ADD2: variants seen among roughly 807,000 people sequenced by gnomAD.
ADD2 encodes adducin 2.
In ADD2, 23 loss-of-function variants were observed where a neutral mutation model predicts 83.0. The ratio of observed to expected loss-of-function variants is 0.28; its 90% CI spans 0.20 to 0.39. The LOEUF (loss-of-function observed/expected upper bound fraction) is 0.39. Among genes scored for constraint, ADD2 ranks in the 10% least tolerant of loss-of-function variants. The pLI is 1.00. For missense variants in ADD2, 758 were observed against 944.9 expected, an observed-to-expected ratio of 0.80 and a Z score of 2.59; for synonymous variants, 375 against 375.4, an observed-to-expected ratio of 1.00 and a Z score of 0.01.
chr2:70,716,094 G>A (rs1396115166), intron 1 of ADD2, among the ~76,000 whole-genome samples: 4 of 152,080 alleles, frequency 2.6e-5, no homozygotes, highest in African/African-American at 9.7e-5. Flanking sequence ...TTACCAAAAT[G>A]GCAGGTATAC....
At chr2:70,749,855 T>A (rs1674418556) in intron 1 of ADD2, among the ~76,000 whole-genome samples, 1 of 151,962 alleles carries the variant, frequency 6.6e-6, no homozygotes. Context: ...CAGCCCCGGG[T>A]TGCCAACCTC....
chr2:70,731,602 G>A (rs563327823), intron 1 of ADD2, among the ~76,000 whole-genome samples: 1 of 152,314 alleles, frequency 6.6e-6, no homozygotes, highest in Non-Finnish European at 1.5e-5. Context: ...TTGGTTCGGT[G>A]CATGTACACA....
In ADD2 at chr2:70,706,374, G is replaced by A; in HGVS notation, c.35C>T (p.Pro12Leu). 1 of 1,611,356 alleles carries A rather than the reference G, an allele frequency of 6.2e-7. No individual in the cohort carries two copies. The highest frequency in any genetic ancestry group is 1.1e-5 in the South Asian group (1 of 90,928). ...GTAAGGCTGCCCCTGCGGGGGCGGC[G>A]GCGAGGCAGCCTCGGGGACCGTCTC... ...SEETVPEAASPPPPQGQPYFD... is the reference protein window; with the variant it reads ...SEETVPEAASLPPPQGQPYFD... Residue 12 changes from proline to leucine, a missense_variant, in exon 3 of 16, where the codon CCG becomes CTG. Coordinates refer to ENST00000264436, the MANE Select transcript of ADD2 (RefSeq NM_001617.4). This position sits in a 1 kb window ranked among gnomAD's most constrained non-coding sequence, Gnocchi z 5.0.
chr2:70,694,763 C>A (rs568290409), intron 6 of ADD2, among the ~76,000 whole-genome samples: 1 of 152,128 alleles, frequency 6.6e-6, no homozygotes, highest in South Asian at 2.1e-4. Context: ...CAGCTCCTGG[C>A]GGGGTAGGGT....
chr2:70,767,756 G>A, intron 1 of ADD2, 130 bp downstream of exon 1: 1 of 1,452,956 alleles, frequency 6.9e-7, no homozygotes, highest in South Asian at 1.4e-5. Context: ...CTGCAGCACC[G>A]ACGCGCTCGG....
At chr2:70,669,748 A>G (rs919732373) in intron 15 of ADD2, among the ~76,000 whole-genome samples, 10 of 152,236 alleles carry the variant, frequency 6.6e-5, no homozygotes, top group African/African-American at 2.2e-4. Context: ...AGCAACTTCT[A>G]TTTTCACAGT....
At chr2:70,683,466 T>G in intron 10 of ADD2, 125 bp downstream of exon 10, 14 of 1,044,540 alleles carry the variant, frequency 1.3e-5, no homozygotes, top group Non-Finnish European at 1.8e-5. Context: ...TTCCCATCAA[T>G]GAGGCTTCAA....
intron 1 of ADD2, among the ~76,000 whole-genome samples, chr2:70,739,136 G>A (rs1558571141): frequency 6.6e-6 from 1 of 152,124 alleles, no homozygotes; most frequent in Non-Finnish European, 1.5e-5. Flanking sequence ...TTTGCAAACA[G>A]TGTATCTGAC....
Position 70,663,396 on chromosome 2 carries a change from G to C in ADD2, c.*29C>G. 2.5e-6 allele frequency: 4 copies of C among 1,587,352 alleles called. No homozygotes were observed. The highest frequency in any genetic ancestry group is 3.4e-6 in the Non-Finnish European group (4 of 1,163,666). On this transcript the variant is annotated 3_prime_UTR_variant, in exon 16 of 16. Coordinates refer to ENST00000264436, the MANE Select transcript of ADD2 (RefSeq NM_001617.4). ...GAAGGGAAGGGGAGGAGAGAGAGGAGGCAGGAGGGAGCCCAAGGGTGTCAT... is the reference window on the plus strand; with the variant it reads ...GAAGGGAAGGGGAGGAGAGAGAGGACGCAGGAGGGAGCCCAAGGGTGTCAT...
At chr2:70,767,763 T>TCGGCAACAGACGCGCC in intron 1 of ADD2, 123 bp downstream of exon 1, 1 of 1,456,320 alleles carries the variant, frequency 6.9e-7, no homozygotes, top group East Asian at 2.5e-5. Flanking sequence ...ACCGACGCGC[T>TCGGCAACAGACGCGCC]CGGCAACAGA....
intron 1 of ADD2, among the ~76,000 whole-genome samples, chr2:70,730,986 G>A (rs1446832239): frequency 6.6e-6 from 1 of 152,194 alleles, no homozygotes; most frequent in Non-Finnish European, 1.5e-5. Flanking sequence ...ACACAGCCTT[G>A]TCATTAAGCA....
At chr2:70,683,276 C>T (rs1191020034) in intron 10 of ADD2, among the ~76,000 whole-genome samples, 1 of 152,040 alleles carries the variant, frequency 6.6e-6, no homozygotes, top group African/African-American at 2.4e-5. Context: ...ATCTGCCTGC[C>T]TCGGCCTCCC....
chr2:70,743,968 T>C (rs11126294), intron 1 of ADD2, among the ~76,000 whole-genome samples: 52,563 of 152,002 alleles, frequency 0.35, 9,153 homozygotes, highest in Middle Eastern at 0.41. Context: ...ATACTTATCT[T>C]CTATGTGTCA....
intron 15 of ADD2, among the ~76,000 whole-genome samples, chr2:70,665,353 G>A (rs1675743557): frequency 6.6e-6 from 1 of 152,128 alleles, no homozygotes; most frequent in South Asian, 2.1e-4. Flanking sequence ...GACCACTGCG[G>A]AGCACCAGCT....
At chr2:70,701,067 A>G (rs1363479201) in intron 4 of ADD2, among the ~76,000 whole-genome samples, 2 of 152,118 alleles carry the variant, frequency 1.3e-5, no homozygotes, top group Admixed American at 1.3e-4. Context: ...ATGAAATTAC[A>G]GTCATGGTAT....
chr2:70,725,829 T>G (rs1672964449), intron 1 of ADD2, among the ~76,000 whole-genome samples: 1 of 152,230 alleles, frequency 6.6e-6, no homozygotes, highest in African/African-American at 2.4e-5. Flanking sequence ...AGATTCTGAT[T>G]CAGCAGGTCT....
chr2:70,733,973 G>A (rs1276851477), intron 1 of ADD2, among the ~76,000 whole-genome samples: 5 of 152,162 alleles, frequency 3.3e-5, no homozygotes, highest in Admixed American at 6.5e-5. Flanking sequence ...AAACCAGTCC[G>A]TTCTTAGCTC....
chr2:70,671,935 G>A (rs1421173605), intron 15 of ADD2, among the ~76,000 whole-genome samples: 4 of 152,174 alleles, frequency 2.6e-5, no homozygotes, highest in African/African-American at 9.7e-5. Context: ...GATGGAGTGT[G>A]CATGCCCTGG....
At chr2:70,695,103 C>A (rs1671243755) in intron 6 of ADD2, among the ~76,000 whole-genome samples, 1 of 152,164 alleles carries the variant, frequency 6.6e-6, no homozygotes, top group Non-Finnish European at 1.5e-5. Flanking sequence ...CGCTCTACAC[C>A]TGAGCATGTC....
Sources: gnomAD v4.1 joint callset for allele counts (sites outside exome capture counted in the v4.1 genomes callset) on GRCh38, gnomAD v4.1.1 for gene constraint, Gnocchi (gnomAD v3.1) non-coding constraint, MANE v1.5 for transcripts, NCBI Gene and HGNC (gene_info 2026-07-23, HGNC 2026-07-21) for gene names.